HSBP1: variants seen among roughly 807,000 people sequenced by gnomAD.
HSBP1 encodes the protein heat shock factor binding protein 1.
Under a neutral mutation model 9.6 loss-of-function variants are expected in HSBP1, and 5 were observed. The ratio of observed to expected loss-of-function variants is 0.52; its 90% CI spans 0.27 to 1.09. HSBP1 has a LOEUF of 1.09. HSBP1 is among the 50% of genes least tolerant of loss of function. The pLI, the probability that HSBP1 is intolerant of heterozygous loss-of-function variation, is 0.11. For synonymous variants in HSBP1, 42 were observed against 33.3 expected (o/e 1.26, Z -0.90); for missense variants, 121 against 96.3 (o/e 1.26, Z -1.07).
chr16:83,808,091 C>G lies in HSBP1; in HGVS notation c.15C>G (p.Asp5Glu). 1 of 1,547,370 alleles carries G rather than the reference C, an allele frequency of 6.5e-7. No individual in the cohort carries two copies. The highest frequency in any genetic ancestry group is 8.7e-7 in the Non-Finnish European group (1 of 1,144,982). MAET[D>E]PKTVQDLTSV... ...GCATCGGGGAGATGGCCGAGACTGA[C>G]CCCAAGACCGTGCAGGACCTCACCT... The change falls in exon 1 of 4, where the codon GAC becomes GAG. Residue 5 changes from aspartate to glutamate, a missense_variant. Physicochemically the swap from Asp to Glu is conservative, Grantham distance 45. Transcript: ENST00000433866.
rs1180400505 is a variant in HSBP1, at chr16:83,817,745, A to C, written c.*6327A>C. The stretch of plus-strand genomic sequence containing the variant: ...GCTATGGATAATCATCAGAAGAGCC[A>C]TTTCTGGAAATGTAAATAATATGGC... On this transcript the variant is annotated 3_prime_UTR_variant, in exon 4 of 4. Transcript: ENST00000433866. 6.6e-6 allele frequency: 1 copy of C among 152,220 alleles called. No homozygotes were observed. Among genetic ancestry groups the C allele is most frequent in the East Asian group, 1.9e-4 (1 of 5,200 alleles). The allele number at this position is 152,220 out of a possible 1,614,324, so 9.4% of individuals were successfully genotyped here.
At chr16:83,808,887 GAGA>G (rs1293574343) in intron 2 of HSBP1, 141 bp downstream of exon 2, 10 of 672,088 alleles carry the variant, frequency 1.5e-5, no homozygotes, top group Non-Finnish European at 2.0e-5. Flanking sequence ...CTGTGTTTCT[GAGA>G]AGGACTGCGC....
At chr16:83,810,710 C>A (rs962408392) in intron 3 of HSBP1, among the ~76,000 whole-genome samples, 8 of 150,960 alleles carry the variant, frequency 5.3e-5, no homozygotes, top group African/African-American at 1.7e-4. Context: ...CGCCTGTAAT[C>A]CCAGCTACTT....
chr16:83,816,963 A>C lies in HSBP1; in HGVS notation c.*5545A>C, dbSNP rs960370033. The C allele has an allele frequency of 6.6e-6, 1 of 152,308 alleles. No homozygotes were observed. Among genetic ancestry groups the C allele is most frequent in the East Asian group, 1.9e-4 (1 of 5,180 alleles). The allele number at this position is 152,308 out of a possible 1,614,324, so 9.4% of individuals were successfully genotyped here. On this transcript the variant is annotated 3_prime_UTR_variant, in exon 4 of 4. Transcript: ENST00000433866. ...TAGATGTAACTTCTAGATTATAAACACTGGTAACACTGGAGATGGTTAAAT... is the reference window on the plus strand; with the variant it reads ...TAGATGTAACTTCTAGATTATAAACCCTGGTAACACTGGAGATGGTTAAAT...
At chr16:83,810,060 T>C (rs1478970568) in intron 3 of HSBP1, among the ~76,000 whole-genome samples, 1 of 152,196 alleles carries the variant, frequency 6.6e-6, no homozygotes, top group East Asian at 1.9e-4. Context: ...GGTGTCTTTT[T>C]GTTGGCCTAT....
chr16:83,808,818 A>G, intron 2 of HSBP1, 72 bp downstream of exon 2: 1 of 1,101,792 alleles, frequency 9.1e-7, no homozygotes, highest in Non-Finnish European at 1.3e-6. Flanking sequence ...GTGGGGATAA[A>G]TGAGTAGTTT....
chr16:83,809,056 TATC>T, intron 2 of HSBP1: 4 of 548,560 alleles, frequency 7.3e-6, no homozygotes, highest in Non-Finnish European at 1.3e-5. Flanking sequence ...GTTGTAGTGT[TATC>T]ATCTTTAGCA....
At position 83,817,927 on chromosome 16, in the gene HSBP1, A is replaced by T. The variant is rs1294887424; in HGVS notation, c.*6509A>T. On this transcript the variant is annotated 3_prime_UTR_variant, in exon 4 of 4. Coordinates refer to ENST00000433866, the MANE Select transcript of HSBP1 (RefSeq NM_001537.4). ...AATGCTGCAAAACAATGCCCTCAAAAGAAATCAGCCTTTCCCTTTGATAGG... is the reference window on the plus strand; with the variant it reads ...AATGCTGCAAAACAATGCCCTCAAATGAAATCAGCCTTTCCCTTTGATAGG... The T allele has an allele frequency of 6.6e-6, 1 of 152,226 alleles. No individual in the cohort carries two copies. Among genetic ancestry groups the T allele is most frequent in the African/African-American group, 2.4e-5 (1 of 41,460 alleles). 9.4% of individuals were successfully genotyped at this position (152,226 alleles called of 1,614,324 possible).
At chr16:83,809,856 A>T (rs1418852113) in intron 3 of HSBP1, among the ~76,000 whole-genome samples, 1 of 152,142 alleles carries the variant, frequency 6.6e-6, no homozygotes, top group Admixed American at 6.5e-5. Flanking sequence ...GTTCCCAGCC[A>T]TGATCCCAGC....
rs977726426 is a variant in HSBP1, at chr16:83,811,944, T to G, written c.*526T>G. ...CACCTAAAAATTGTTCATTCAGAAA[T>G]ATCTGTCACTGCTCTGTTGCCAAAA... On this transcript the variant is annotated 3_prime_UTR_variant, in exon 4 of 4. Coordinates refer to ENST00000433866, the MANE Select transcript of HSBP1 (RefSeq NM_001537.4). The G allele has an allele frequency of 1.3e-5, 2 of 152,576 alleles. No individual in the cohort carries two copies. The highest frequency in any genetic ancestry group is 4.8e-5 in the African/African-American group (2 of 41,468). 9.5% of individuals were successfully genotyped at this position (152,576 alleles called of 1,614,324 possible).
rs1181695262 is a variant in HSBP1 at position 83,814,924 on chromosome 16, G to A, written c.*3506G>A. ...TGTCCTGTCTCCCACAAAAATTATTGCTTGAGGCCCAACCCGGGGGATAAA... is the reference window on the plus strand; with the variant it reads ...TGTCCTGTCTCCCACAAAAATTATTACTTGAGGCCCAACCCGGGGGATAAA... On this transcript the variant is annotated 3_prime_UTR_variant, in exon 4 of 4. Transcript: ENST00000433866. The A allele has an allele frequency of 1.3e-5, 2 of 150,774 alleles. No individual in the cohort carries two copies. Among genetic ancestry groups the A allele is most frequent in the Admixed American group, 1.3e-4 (2 of 15,166 alleles). The allele number at this position is 150,774 out of a possible 1,614,324, so 9.3% of individuals were successfully genotyped here.
intron 3 of HSBP1, among the ~76,000 whole-genome samples, chr16:83,810,521 CAAAAAAAAAAA>C (rs751338141): frequency 9.7e-5 from 5 of 51,610 alleles, no homozygotes; most frequent in Non-Finnish European, 1.6e-4. Context: ...GACTCTGTCT[CAAAAAAAAAAA>C]AAAAAAAAAA....
chr16:83,809,422 GA>G lies in HSBP1; in HGVS notation c.*1del. The G allele has an allele frequency of 1.4e-6, 2 of 1,386,658 alleles. No homozygotes were observed. Among genetic ancestry groups the G allele is most frequent in the Non-Finnish European group, 2.0e-6 (2 of 1,006,380 alleles). The allele number at this position is 1,386,658 out of a possible 1,614,324, so 85.9% of individuals were successfully genotyped here. On this transcript the variant is annotated frameshift_variant and stop_lost and splice_region_variant, in exon 3 of 4. Coordinates refer to ENST00000433866, the MANE Select transcript of HSBP1 (RefSeq NM_001537.4). LOFTEE classifies it high-confidence loss of function. ...ENKIPATQKS[*>X] ...AAGATACCTGCCACGCAAAAGAGTT[GA>G]AGGTGAGGAAGGGGGCAATTTTTTT...
rs33128 is a variant in HSBP1 at position 83,815,218 on chromosome 16, T to A, written c.*3800T>A. 1.3e-5 allele frequency: 2 copies of A among 151,988 alleles called. No homozygotes were observed. The highest frequency in any genetic ancestry group is 2.4e-5 in the African/African-American group (1 of 41,366). The allele number at this position is 151,988 out of a possible 1,614,324, so 9.4% of individuals were successfully genotyped here. ...AAACCAGAGGAATTGTGATTGAACA[T>A]TGCACTTATCAACCCTACAAATTAA... On this transcript the variant is annotated 3_prime_UTR_variant, in exon 4 of 4. Coordinates refer to ENST00000433866, the MANE Select transcript of HSBP1 (RefSeq NM_001537.4).
chr16:83,811,948 T>C lies in HSBP1; in HGVS notation c.*530T>C, dbSNP rs923705164. The C allele has an allele frequency of 1.3e-5, 2 of 152,596 alleles. No individual in the cohort carries two copies. Among genetic ancestry groups the C allele is most frequent in the African/African-American group, 4.8e-5 (2 of 41,464 alleles). 9.5% of individuals were successfully genotyped at this position (152,596 alleles called of 1,614,324 possible). A position where few individuals can be genotyped will look rare whatever the true frequency, so the allele number is the denominator to read the frequency against. The stretch of plus-strand genomic sequence containing the variant: ...TAAAAATTGTTCATTCAGAAATATC[T>C]GTCACTGCTCTGTTGCCAAAACTCA... On this transcript the variant is annotated 3_prime_UTR_variant, in exon 4 of 4. Coordinates refer to ENST00000433866, the MANE Select transcript of HSBP1 (RefSeq NM_001537.4).
chr16:83,809,820 T>C (rs1281956852), intron 3 of HSBP1, among the ~76,000 whole-genome samples: 1 of 152,170 alleles, frequency 6.6e-6, no homozygotes, highest in Non-Finnish European at 1.5e-5. Context: ...GTATAATTTG[T>C]ATGTAGTCAG....
intron 2 of HSBP1, 133 bp from the exon 3 acceptor site, chr16:83,809,172 G>C (rs1904537149): frequency 4.7e-6 from 3 of 637,956 alleles, no homozygotes; most frequent in Non-Finnish European, 8.4e-6. Context: ...TTACCCACCA[G>C]CGTGTAACAG....
chr16:83,818,111 G>T lies in HSBP1; in HGVS notation c.*6693G>T, dbSNP rs1904761934. 6.6e-6 allele frequency: 1 copy of T among 152,168 alleles called. No homozygotes were observed. Among genetic ancestry groups the T allele is most frequent in the Non-Finnish European group, 1.5e-5 (1 of 68,034 alleles). The allele number at this position is 152,168 out of a possible 1,614,324, so 9.4% of individuals were successfully genotyped here. On this transcript the variant is annotated 3_prime_UTR_variant, in exon 4 of 4. Transcript: ENST00000433866. ...TTTTAGAGGTTCATGGTTACCGTGG[G>T]TCGGCACTGGGTCTGTGAGCCCTCA...
chr16:83,817,820 A>G lies in HSBP1; in HGVS notation c.*6402A>G, dbSNP rs1210913828. The G allele has an allele frequency of 6.6e-6, 1 of 152,192 alleles. No homozygotes were observed. The highest frequency in any genetic ancestry group is 1.5e-5 in the Non-Finnish European group (1 of 68,032). 9.4% of individuals were successfully genotyped at this position (152,192 alleles called of 1,614,324 possible). Reference sequence around the variant, plus strand: ...CTGAAAACATAAGACCATTTGACTGATTCTGCTCCAGAATCTTATTGAGGC... The same window carrying G: ...CTGAAAACATAAGACCATTTGACTGGTTCTGCTCCAGAATCTTATTGAGGC... On this transcript the variant is annotated 3_prime_UTR_variant, in exon 4 of 4. Coordinates refer to ENST00000433866, the MANE Select transcript of HSBP1 (RefSeq NM_001537.4).
Sources: allele counts gnomAD v4.1 joint callset (sites outside exome capture counted in the v4.1 genomes callset), GRCh38; gene constraint gnomAD v4.1.1; transcripts MANE v1.5; gene names NCBI Gene and HGNC (gene_info 2026-07-23, HGNC 2026-07-21).